CFAP47: variants seen among roughly 807,000 people sequenced by gnomAD.
CFAP47 encodes cilia and flagella associated protein 47, also known as cilia- and flagella-associated protein 47.
A neutral mutation model predicts 148.1 loss-of-function variants in CFAP47; 29 were observed. The observed-to-expected ratio is 0.20, with a 90% CI of 0.15 to 0.27. The LOEUF (loss-of-function observed/expected upper bound fraction) is 0.27, where lower values mean the gene tolerates loss of function less well. Ranked by LOEUF, CFAP47 falls within the 10% of genes least tolerant of loss-of-function variation. The pLI is 1.00. For missense variants in CFAP47, 1,872 were observed against 1,697.5 expected (o/e 1.10, Z -1.81); for synonymous variants, 664 against 577.3 (o/e 1.15, Z -2.15).
At chrX:36,322,414 T>C (rs782255160) in intron 57 of CFAP47, among the ~76,000 whole-genome samples, 1 of 111,231 alleles carries the variant, frequency 9.0e-6, no homozygotes, top group Non-Finnish European at 1.9e-5. Context: ...TATTTAAACT[T>C]CTTTTTCAGG....
chrX:36,221,037 T>C (rs1311610253), intron 45 of CFAP47, among the ~76,000 whole-genome samples: 2 of 111,624 alleles, frequency 1.8e-5, no homozygotes, highest in Non-Finnish European at 3.8e-5. Context: ...CTTGAGACCA[T>C]TTAAAACTCA....
chrX:36,225,715 G>T (rs1017706134), intron 45 of CFAP47, among the ~76,000 whole-genome samples: 1 of 111,275 alleles, frequency 9.0e-6, no homozygotes, highest in South Asian at 3.8e-4. Flanking sequence ...GTCCCATTGG[G>T]CCCATGTACT....
At chrX:36,278,672 T>C (rs1941044739) in intron 49 of CFAP47, among the ~76,000 whole-genome samples, 1 of 112,342 alleles carries the variant, frequency 8.9e-6, no homozygotes, top group South Asian at 3.6e-4. Context: ...GTCTTCTGCG[T>C]CGATCATGCT....
At chrX:36,098,738 A>T in intron 30 of CFAP47, 55 bp from the exon 31 acceptor site, 3 of 573,442 alleles carry the variant, frequency 5.2e-6, no homozygotes, top group Non-Finnish European at 8.1e-6. Context: ...AATGCAAATC[A>T]TATATAGAAC....
At chrX:36,316,294 AC>A (rs1375178310) in intron 56 of CFAP47, among the ~76,000 whole-genome samples, 2 of 111,123 alleles carry the variant, frequency 1.8e-5, no homozygotes, top group African/African-American at 3.3e-5. Context: ...AATCAACTAC[AC>A]CCTCCCCCAA....
At chrX:36,048,761 A>G (rs993096890) in intron 26 of CFAP47, among the ~76,000 whole-genome samples, 1 of 112,001 alleles carries the variant, frequency 8.9e-6, no homozygotes, top group Non-Finnish European at 1.9e-5. Context: ...TCAATGTCAG[A>G]AAAACCACAA....
intron 39 of CFAP47, among the ~76,000 whole-genome samples, chrX:36,170,265 G>A (rs1230653376): frequency 1.8e-5 from 2 of 111,509 alleles, no homozygotes; most frequent in Non-Finnish European, 3.8e-5. Flanking sequence ...TATATAGAGG[G>A]ATAAATGTAT....
intron 8 of CFAP47, among the ~76,000 whole-genome samples, chrX:35,959,460 G>A (rs1195813031): frequency 9.0e-6 from 1 of 111,614 alleles, no homozygotes. Flanking sequence ...TACTGTCTGA[G>A]GTCATTAAGT....
At chrX:35,985,703 C>T (rs1936704842) in intron 15 of CFAP47, among the ~76,000 whole-genome samples, 1 of 111,633 alleles carries the variant, frequency 9.0e-6, no homozygotes, top group Admixed American at 9.5e-5. Context: ...TCAGATCAGA[C>T]TAGTCCTGTC....
At chrX:36,290,514 C>T (rs1188189193) in intron 51 of CFAP47, among the ~76,000 whole-genome samples, 1 of 112,210 alleles carries the variant, frequency 8.9e-6, no homozygotes, top group Non-Finnish European at 1.9e-5. Context: ...AGTTTCCTCT[C>T]AGGTCAGATT....
intron 51 of CFAP47, among the ~76,000 whole-genome samples, chrX:36,296,186 A>C (rs972090629): frequency 1.2e-4 from 13 of 111,898 alleles, no homozygotes; most frequent in Non-Finnish European, 2.4e-4. Flanking sequence ...CTCCATAGAC[A>C]CCATCCGTAT....
chrX:36,359,607 T>C (rs1408644302), intron 60 of CFAP47, among the ~76,000 whole-genome samples: 3 of 111,669 alleles, frequency 2.7e-5, no homozygotes, highest in Admixed American at 9.6e-5. Context: ...CCAGTGAGAT[T>C]TATACTTTTA....
chrX:36,355,331 A>G (rs782795417), intron 60 of CFAP47, among the ~76,000 whole-genome samples: 2 of 111,845 alleles, frequency 1.8e-5, no homozygotes, highest in Admixed American at 1.9e-4. Context: ...AAAATTAAAA[A>G]GAGAATTATC....
At chrX:36,192,602 G>A (rs1555986665) in intron 42 of CFAP47, among the ~76,000 whole-genome samples, 1 of 111,452 alleles carries the variant, frequency 9.0e-6, no homozygotes, top group Non-Finnish European at 1.9e-5. Flanking sequence ...TGACCTGGGG[G>A]CTGAGTTAAC....
chrX:36,323,075 A>G (rs1450545459), intron 57 of CFAP47, among the ~76,000 whole-genome samples: 1 of 110,816 alleles, frequency 9.0e-6, no homozygotes, highest in Middle Eastern at 4.3e-3. Context: ...ATACCCTTAA[A>G]ACTAAGTGTT....
intron 37 of CFAP47, among the ~76,000 whole-genome samples, chrX:36,149,612 A>AT (rs1192457925): frequency 5.4e-4 from 29 of 54,075 alleles, no homozygotes; most frequent in African/African-American, 2.2e-3. Flanking sequence ...TTATTTATTT[A>AT]TTTTATTTTT....
intron 26 of CFAP47, among the ~76,000 whole-genome samples, chrX:36,057,031 C>G (rs1937559925): frequency 8.9e-6 from 1 of 111,999 alleles, no homozygotes; most frequent in Admixed American, 9.5e-5. Context: ...TTCTAGAAAA[C>G]TCAACCTATG....
At chrX:36,374,323 T>C (rs924753529) in intron 62 of CFAP47, among the ~76,000 whole-genome samples, 1 of 111,102 alleles carries the variant, frequency 9.0e-6, no homozygotes, top group South Asian at 3.7e-4. Flanking sequence ...TCCAATTTGC[T>C]TACAGATAAT....
intron 49 of CFAP47, among the ~76,000 whole-genome samples, chrX:36,254,033 CCTT>C (rs1265582902): frequency 8.9e-6 from 1 of 111,974 alleles, no homozygotes; most frequent in East Asian, 2.8e-4. Flanking sequence ...TCACGTAGCT[CCTT>C]CTTCCTGAGA....
Sources: gnomAD v4.1 joint callset for allele counts (sites outside exome capture counted in the v4.1 genomes callset) on GRCh38, gnomAD v4.1.1 for gene constraint, MANE v1.5 for transcripts, NCBI Gene and HGNC (gene_info 2026-07-23, HGNC 2026-07-21) for gene names.